TBC1D22A: variants seen among roughly 807,000 people sequenced by gnomAD.
TBC1D22A encodes the protein TBC1 domain family member 22A.
A neutral mutation model predicts 60.2 loss-of-function variants in TBC1D22A; 38 were observed. The ratio of observed to expected loss-of-function variants is 0.63; its 90% confidence interval spans 0.49 to 0.83. The LOEUF (loss-of-function observed/expected upper bound fraction) is 0.83. TBC1D22A is among the 40% of genes least tolerant of loss of function. TBC1D22A has a pLI of 0.00. For synonymous variants in TBC1D22A, 302 were observed against 281.7 expected (o/e 1.07, Z -0.72); for missense variants, 628 against 701.0 (o/e 0.90, Z 1.18).
chr22:46,764,988 T>TA, intron 1 of TBC1D22A, among the ~76,000 whole-genome samples: 1 of 152,364 alleles, frequency 6.6e-6, no homozygotes, highest in South Asian at 2.1e-4. Context: ...AGGAGACTAA[T>TA]ACAGTCTCCA....
intron 10 of TBC1D22A, among the ~76,000 whole-genome samples, chr22:47,034,938 G>A (rs951950965): frequency 6.6e-6 from 1 of 152,094 alleles, no homozygotes; most frequent in African/African-American, 2.4e-5. Flanking sequence ...GCACTGATGC[G>A]TCAGGCTCCC....
chr22:46,804,085 C>T (rs1043494238), intron 4 of TBC1D22A, among the ~76,000 whole-genome samples: 3 of 152,230 alleles, frequency 2.0e-5, no homozygotes, highest in South Asian at 4.1e-4. Flanking sequence ...AGCAGCAATG[C>T]GATGGCACCT....
intron 8 of TBC1D22A, among the ~76,000 whole-genome samples, chr22:46,943,411 G>A (rs1405591940): frequency 6.6e-6 from 1 of 152,198 alleles, no homozygotes; most frequent in African/African-American, 2.4e-5. Context: ...GGCAGACAAA[G>A]AATTTGTGTT....
chr22:46,830,326 G>A (rs564367173), intron 4 of TBC1D22A, among the ~76,000 whole-genome samples: 1 of 152,346 alleles, frequency 6.6e-6, no homozygotes, highest in South Asian at 2.1e-4. Flanking sequence ...CACCCTTCGA[G>A]CCCCTGGAGG....
At chr22:46,868,479 A>C (rs558730869) in intron 4 of TBC1D22A, among the ~76,000 whole-genome samples, 5 of 152,158 alleles carry the variant, frequency 3.3e-5, no homozygotes, top group African/African-American at 9.7e-5. Context: ...CTGGAAAAAA[A>C]CCCAGAATTC....
rs1488889672 is a variant in TBC1D22A at position 47,173,522 on chromosome 22, C to T, written c.1450C>T (p.Leu484=). The change falls in exon 13 of 13, where the codon CTG becomes TTG. Residue 484 remains leucine, a synonymous_variant. Coordinates refer to ENST00000337137, the MANE Select transcript of TBC1D22A (RefSeq NM_014346.5). ...GGAGCTGCTGCTCTTCCTCCAGAAC[C>T]TGCCCACAGCCCACTGGGATGATGA... is the stretch of plus-strand genomic sequence containing the variant. ...FQELLLFLQN[L]PTAHWDDEDI... 30 of 1,614,046 alleles carry T rather than the reference C, an allele frequency of 1.9e-5. No individual in the cohort carries two copies. Among genetic ancestry groups the T allele is most frequent in the Non-Finnish European group, 2.4e-5 (28 of 1,180,032 alleles).
rs1430752561 is a variant in TBC1D22A, at chr22:46,912,202, C to G, written c.1015+14C>G. On this transcript the variant is annotated intron_variant, in intron 8 of 12. Coordinates refer to ENST00000337137, the MANE Select transcript of TBC1D22A (RefSeq NM_014346.5). Reference sequence around the variant, plus strand: ...GTGAATACATAGGTAAGATTTCTTGCAAACATTAAACGTGAACTTTAGTGG... The same window carrying G: ...GTGAATACATAGGTAAGATTTCTTGGAAACATTAAACGTGAACTTTAGTGG... The G allele has an allele frequency of 1.9e-6, 3 of 1,592,638 alleles. No individual in the cohort carries two copies. Among genetic ancestry groups the G allele is most frequent in the African/African-American group, 1.3e-5 (1 of 74,592 alleles).
At chr22:46,971,840 AGGGTGT>A (rs1310812794) in intron 8 of TBC1D22A, among the ~76,000 whole-genome samples, 3 of 152,226 alleles carry the variant, frequency 2.0e-5, no homozygotes, top group Non-Finnish European at 4.4e-5. Flanking sequence ...GCTTCATCAG[AGGGTGT>A]GCTCAGGTCA....
At chr22:46,883,079 A>G (rs1223692125) in intron 5 of TBC1D22A, among the ~76,000 whole-genome samples, 1 of 152,268 alleles carries the variant, frequency 6.6e-6, no homozygotes, top group African/African-American at 2.4e-5. Flanking sequence ...ATACAGAATC[A>G]TATTTCTGGC....
chr22:46,793,533 C>T lies in TBC1D22A; in HGVS notation c.152C>T (p.Thr51Ile). 1 of 1,614,222 alleles carries T rather than the reference C, an allele frequency of 6.2e-7. No individual in the cohort carries two copies. The highest frequency in any genetic ancestry group is 8.5e-7 in the Non-Finnish European group (1 of 1,180,054). Residue 51 changes from threonine (T) to isoleucine (I), a missense_variant, in exon 3 of 13, where the codon ACA (threonine) becomes ATA (isoleucine). Thr to Ile is a moderately conservative substitution (Grantham distance 89, BLOSUM62 -1). Transcript: ENST00000337137. The stretch of plus-strand genomic sequence containing the variant: ...AGGTCCACGGCCAAGATGCCGACCA[C>T]ACCAGTGAAGGCCAAGAGGGTCAGC... ...LLRSTAKMPT[T>I]PVKAKRVSTF...
At chr22:47,004,361 T>G (rs188073146) in intron 10 of TBC1D22A, among the ~76,000 whole-genome samples, 5 of 142,506 alleles carry the variant, frequency 3.5e-5, no homozygotes, top group Non-Finnish European at 7.6e-5. Flanking sequence ...CACATATACA[T>G]ACACTCCTAT....
chr22:47,158,909 A>G (rs1235579402), intron 12 of TBC1D22A, among the ~76,000 whole-genome samples: 5 of 151,914 alleles, frequency 3.3e-5, no homozygotes, highest in African/African-American at 1.2e-4. Context: ...CAGTTACCAC[A>G]TAAATACACA....
intron 10 of TBC1D22A, among the ~76,000 whole-genome samples, chr22:47,036,694 T>TCCTGGGACACCAG (rs1483789045): frequency 2.0e-5 from 3 of 152,144 alleles, no homozygotes; most frequent in Non-Finnish European, 4.4e-5. Flanking sequence ...TCTAAGCCCC[T>TCCTGGGACACCAG]CCTGGGACAC....
rs79570506 is a variant in TBC1D22A, at chr22:47,165,629, G to A, written c.1426-7869G>A. Among the ~76,000 whole-genome samples, 10 of 152,228 alleles carry A rather than the reference G, an allele frequency of 6.6e-5. No individual in the cohort carries two copies. The East Asian group carries it at 1.4e-3, about 21-fold the overall frequency. ...GCAGTGTGGGTGCCACAGGGTTGCC[G>A]GGCTTGCTGCATGCCTCCTGGGACA... On this transcript the variant is annotated intron_variant, in intron 12 of 12. Transcript: ENST00000337137.
chr22:46,933,687 G>A (rs755958801), intron 8 of TBC1D22A, among the ~76,000 whole-genome samples: 5 of 152,246 alleles, frequency 3.3e-5, no homozygotes, highest in Non-Finnish European at 2.9e-5. Flanking sequence ...ACTCAGATGC[G>A]TGTGTTCTCT....
chr22:46,941,472 AATAT>A (rs567007781), intron 8 of TBC1D22A, among the ~76,000 whole-genome samples: 5 of 128,614 alleles, frequency 3.9e-5, no homozygotes, highest in African/African-American at 1.1e-4. Flanking sequence ...ATATACACGG[AATAT>A]ATATACGGAA....
Position 47,173,631 on chromosome 22 carries a change from A to G in TBC1D22A, c.*5A>G. On this transcript the variant is annotated 3_prime_UTR_variant, in exon 13 of 13. Transcript: ENST00000337137. ...CCCAATCACTACAAGAAATGAGCCCAGGCCCACCCGCAGCTGGCCTCACTG... is the reference window on the plus strand; with the variant it reads ...CCCAATCACTACAAGAAATGAGCCCGGGCCCACCCGCAGCTGGCCTCACTG... 1.2e-6 allele frequency: 2 copies of G among 1,613,470 alleles called. No homozygotes were observed. Among genetic ancestry groups the G allele is most frequent in the Non-Finnish European group, 1.7e-6 (2 of 1,179,710 alleles).
intron 5 of TBC1D22A, among the ~76,000 whole-genome samples, chr22:46,879,613 A>G (rs2067749196): frequency 2.0e-5 from 3 of 152,208 alleles, no homozygotes; most frequent in South Asian, 2.1e-4. Context: ...TTCTTTTGCA[A>G]TTAAAATTAG....
intron 7 of TBC1D22A, among the ~76,000 whole-genome samples, chr22:46,906,797 G>GTGTA (rs1369141523): frequency 6.8e-6 from 1 of 147,492 alleles, no homozygotes; most frequent in African/African-American, 2.7e-5. Context: ...GTGTGTGTGT[G>GTGTA]TGTATGTGTG....
Sources: gnomAD v4.1 joint callset for allele counts (sites outside exome capture counted in the v4.1 genomes callset) on GRCh38, gnomAD v4.1.1 for gene constraint, MANE v1.5 for transcripts, NCBI Gene and HGNC (gene_info 2026-07-23, HGNC 2026-07-21) for gene names.